SAMD5: variants seen among roughly 807,000 people sequenced by gnomAD.
The protein encoded by SAMD5 is sterile alpha motif domain containing 5.
A neutral mutation model predicts 11.3 loss-of-function variants in SAMD5; 13 were observed. The ratio of observed to expected loss-of-function variants is 1.15; its 90% CI spans 0.75 to 1.83. SAMD5 has a LOEUF of 1.83. Among genes scored for constraint, SAMD5 ranks in the 40% most tolerant of loss-of-function variants. The probability of loss-of-function intolerance (pLI) is 0.00; values close to 1 mark genes in which losing one functional copy is unlikely to be tolerated. For missense variants in SAMD5, 255 were observed against 239.1 expected (o/e 1.07, Z -0.44); for synonymous variants, 129 against 111.3 (o/e 1.16, Z -1.00).
At chr6:147,938,134 A>G in the SAMD5 span, among the ~76,000 whole-genome samples, 7 of 152,236 alleles carry the variant, frequency 4.6e-5, no homozygotes, top group African/African-American at 1.2e-4. Context: ...AGATTAATCT[A>G]TATCAGAGAG....
intron 1 of SAMD5, among the ~76,000 whole-genome samples, chr6:147,691,548 ACT>A (rs1361984760): frequency 6.6e-6 from 1 of 152,088 alleles, no homozygotes; most frequent in East Asian, 1.9e-4. Flanking sequence ...TATTTAACAA[ACT>A]CTGGTTTAAT....
intron 1 of SAMD5, among the ~76,000 whole-genome samples, chr6:147,604,980 T>C (rs748816261): frequency 1.3e-5 from 2 of 152,142 alleles, no homozygotes; most frequent in Non-Finnish European, 2.9e-5. Flanking sequence ...ATATGAGGGA[T>C]AATCAGAGCC....
chr6:147,838,325 T>C, the SAMD5 span, among the ~76,000 whole-genome samples: 1 of 152,130 alleles, frequency 6.6e-6, no homozygotes, highest in Non-Finnish European at 1.5e-5. Flanking sequence ...TGGAGGCAGG[T>C]ATCATGGTTA....
chr6:147,696,136 C>A (rs2128457410), intron 1 of SAMD5, among the ~76,000 whole-genome samples: 1 of 152,116 alleles, frequency 6.6e-6, no homozygotes, highest in Non-Finnish European at 1.5e-5. Flanking sequence ...AACCCTACTT[C>A]TTCTGTGCTC....
chr6:147,754,927 T>G, the SAMD5 span, among the ~76,000 whole-genome samples: 3 of 152,134 alleles, frequency 2.0e-5, no homozygotes, highest in African/African-American at 7.2e-5. Flanking sequence ...TATGTGTCTA[T>G]TTTTATGCCA....
the SAMD5 span, among the ~76,000 whole-genome samples, chr6:147,797,648 A>C: frequency 1.3e-3 from 184 of 140,552 alleles, 1 homozygote; most frequent in African/African-American, 4.8e-3. Flanking sequence ...GAATGGTACC[A>C]GGTCCTCCTT....
chr6:147,756,507 C>T, the SAMD5 span, among the ~76,000 whole-genome samples: 1 of 152,240 alleles, frequency 6.6e-6, no homozygotes, highest in South Asian at 2.1e-4. Flanking sequence ...AATGACCCAT[C>T]TGAATGTTTT....
the SAMD5 span, among the ~76,000 whole-genome samples, chr6:147,808,169 CT>C: frequency 6.6e-6 from 1 of 152,250 alleles, no homozygotes; most frequent in Middle Eastern, 3.4e-3. Context: ...CACTGAACAA[CT>C]TGTGGCTATA....
chr6:147,721,803 C>T (rs1456706963), intron 1 of SAMD5, among the ~76,000 whole-genome samples: 1 of 152,120 alleles, frequency 6.6e-6, no homozygotes, highest in Non-Finnish European at 1.5e-5. Context: ...AAGTTTTATA[C>T]AATTGCACCA....
At chr6:147,842,870 A>G in the SAMD5 span, among the ~76,000 whole-genome samples, 1 of 152,182 alleles carries the variant, frequency 6.6e-6, no homozygotes, top group Non-Finnish European at 1.5e-5. Flanking sequence ...CAAAAATATC[A>G]CAAATTTTTT....
chr6:147,875,146 G>C, the SAMD5 span, among the ~76,000 whole-genome samples: 1 of 152,160 alleles, frequency 6.6e-6, no homozygotes, highest in Non-Finnish European at 1.5e-5. Context: ...TAGAAAGACA[G>C]TTTCTCAAAT....
chr6:147,925,575 G>A, the SAMD5 span, among the ~76,000 whole-genome samples: 1 of 150,450 alleles, frequency 6.6e-6, no homozygotes, highest in Non-Finnish European at 1.5e-5. Context: ...ATTCTCTTCT[G>A]AAATTTTAAT....
intron 1 of SAMD5, among the ~76,000 whole-genome samples, chr6:147,724,199 C>T (rs1791594381): frequency 6.6e-6 from 1 of 152,208 alleles, no homozygotes; most frequent in African/African-American, 2.4e-5. Context: ...ACAATCTCAG[C>T]TCACTGCAAC....
intron 1 of SAMD5, among the ~76,000 whole-genome samples, chr6:147,512,645 A>G (rs1788107580): frequency 6.6e-6 from 1 of 152,196 alleles, no homozygotes; most frequent in African/African-American, 2.4e-5. Context: ...ACATCATTGG[A>G]AGAGTTCCTC....
At chr6:147,717,150 C>T (rs1473692517) in intron 1 of SAMD5, among the ~76,000 whole-genome samples, 1 of 152,228 alleles carries the variant, frequency 6.6e-6, no homozygotes, top group Non-Finnish European at 1.5e-5. Context: ...TCTATGTCCT[C>T]ATAGCCTATA....
chr6:147,925,259 G>A, the SAMD5 span, among the ~76,000 whole-genome samples: 1 of 152,130 alleles, frequency 6.6e-6, no homozygotes, highest in Admixed American at 6.6e-5. Flanking sequence ...CACCATGTGA[G>A]GATACAGCAA....
the SAMD5 span, among the ~76,000 whole-genome samples, chr6:147,801,619 C>T: frequency 6.6e-6 from 1 of 152,294 alleles, no homozygotes; most frequent in Admixed American, 6.5e-5. Flanking sequence ...AGACATTAGG[C>T]AACAGGTAGC....
At chr6:147,742,909 T>C in the SAMD5 span, among the ~76,000 whole-genome samples, 7 of 152,330 alleles carry the variant, frequency 4.6e-5, no homozygotes, top group African/African-American at 1.4e-4. Context: ...GAGGCTATCA[T>C]TGTGTGGTGC....
At chr6:147,881,095 A>G in the SAMD5 span, among the ~76,000 whole-genome samples, 1 of 152,198 alleles carries the variant, frequency 6.6e-6, no homozygotes, top group African/African-American at 2.4e-5. Flanking sequence ...CCTCTTCCAT[A>G]TGGATGACCC....
Sources: gnomAD v4.1 joint callset for allele counts (sites outside exome capture counted in the v4.1 genomes callset) on GRCh38, gnomAD v4.1.1 for gene constraint, MANE v1.5 for transcripts, NCBI Gene and HGNC (gene_info 2026-07-23, HGNC 2026-07-21) for gene names.